SGK1: variants seen among roughly 807,000 people sequenced by gnomAD.
SGK1 encodes serine/threonine-protein kinase Sgk1.
Under a neutral mutation model 64.2 loss-of-function variants are expected in SGK1, and 26 were observed. The ratio of observed to expected loss-of-function variants is 0.40; its 90% CI spans 0.30 to 0.56. The LOEUF (loss-of-function observed/expected upper bound fraction) is 0.56. Among genes scored for constraint, SGK1 ranks in the 20% least tolerant of loss-of-function variants. The pLI, the probability that SGK1 is intolerant of heterozygous loss-of-function variation, is 0.38. For synonymous variants in SGK1, 265 were observed against 239.7 expected (o/e 1.11, Z -0.98); for missense variants, 519 against 645.6 (o/e 0.80, Z 2.12).
chr6:134,213,176 C>G (rs974189802), intron 2 of SGK1, among the ~76,000 whole-genome samples: 2 of 152,106 alleles, frequency 1.3e-5, no homozygotes, highest in African/African-American at 2.4e-5. Flanking sequence ...AGGCAATGCT[C>G]TATAACTCCT....
At chr6:134,230,825 C>T (rs1225277859) in intron 2 of SGK1, among the ~76,000 whole-genome samples, 1 of 152,106 alleles carries the variant, frequency 6.6e-6, no homozygotes, top group Non-Finnish European at 1.5e-5. Context: ...ACCAGCCTGG[C>T]CAACATGGTG....
intron 2 of SGK1, among the ~76,000 whole-genome samples, chr6:134,228,123 T>G (rs537018437): frequency 6.6e-6 from 1 of 151,894 alleles, no homozygotes; most frequent in African/African-American, 2.4e-5. Flanking sequence ...GCCCAGCTAA[T>G]TTTTGTATTT....
chr6:134,207,913 A>G (rs920567549), intron 2 of SGK1, among the ~76,000 whole-genome samples: 1 of 150,466 alleles, frequency 6.6e-6, no homozygotes, highest in Non-Finnish European at 1.5e-5. Context: ...AGCACTTTAA[A>G]TGCTTTTTTT....
At chr6:134,179,674 A>C (rs1384441583) in intron 3 of SGK1, among the ~76,000 whole-genome samples, 1 of 152,120 alleles carries the variant, frequency 6.6e-6, no homozygotes. Context: ...AAAAGATGTG[A>C]TACAGTAGAT....
At chr6:134,283,048 T>A (rs1250931686) in intron 1 of SGK1, 7 of 151,950 alleles carry the variant, frequency 4.6e-5, no homozygotes, top group Non-Finnish European at 1.0e-4. Context: ...GGGCTTCCCA[T>A]GTACCAAAAC....
intron 2 of SGK1, among the ~76,000 whole-genome samples, chr6:134,244,927 C>T (rs960805529): frequency 1.3e-5 from 2 of 152,216 alleles, no homozygotes; most frequent in Non-Finnish European, 2.9e-5. Flanking sequence ...AGGCACCCAC[C>T]ACCATGCCCA....
chr6:134,240,399 A>G lies in SGK1; in HGVS notation c.285+21534T>C, dbSNP rs1044596729. ...AATAAATAACCATGTCAGTAGATTTATGGAGGAATGGAGCTAGAGATGTAT... is the reference window on the plus strand; with the variant it reads ...AATAAATAACCATGTCAGTAGATTTGTGGAGGAATGGAGCTAGAGATGTAT... On this transcript the variant is annotated intron_variant, in intron 2 of 13. Coordinates refer to ENST00000367858, the MANE Select transcript of SGK1 (RefSeq NM_001143676.3). Among the ~76,000 whole-genome samples, 12 of 152,068 alleles carry G rather than the reference A, an allele frequency of 7.9e-5. 2 individuals carry two copies. Among genetic ancestry groups the G allele is most frequent in the Admixed American group, 7.9e-4 (12 of 15,272 alleles).
intron 1 of SGK1, among the ~76,000 whole-genome samples, chr6:134,265,607 TTTATATATATACATATATATA>T (rs1487922662): frequency 1.4e-5 from 2 of 140,726 alleles, no homozygotes; most frequent in African/African-American, 5.4e-5. Context: ...ACATATATAT[TTTATATATATACATATATATA>T]TATACATATA....
At chr6:134,175,774 A>G in intron 3 of SGK1, 3 of 1,333,890 alleles carry the variant, frequency 2.2e-6, no homozygotes, top group South Asian at 1.8e-5. Flanking sequence ...CCGAGTCCCA[A>G]AACAAACAAA....
rs1321279541 is a variant in SGK1 at position 134,277,181 on chromosome 6, G to A, written c.70-15033C>T. 2.0e-5 allele frequency among the ~76,000 whole-genome samples: 3 copies of A among 152,234 alleles called. No individual in the cohort carries two copies. In the East Asian group the frequency reaches 5.8e-4, roughly 29 times the overall value. On this transcript the variant is annotated intron_variant, in intron 1 of 13. Coordinates refer to ENST00000367858, the MANE Select transcript of SGK1 (RefSeq NM_001143676.3). ...CTACTAAAACTACAAAAATTAGCTG[G>A]TGTGGTAGTGGGTGCCTTTAATCCC...
intron 1 of SGK1, among the ~76,000 whole-genome samples, chr6:134,285,532 A>G (rs1413752518): frequency 2.9e-5 from 4 of 139,516 alleles, no homozygotes; most frequent in East Asian, 2.1e-4. Context: ...ACCAGCATCA[A>G]TTTTTTTTTT....
intron 2 of SGK1, among the ~76,000 whole-genome samples, chr6:134,241,157 C>T (rs749642536): frequency 9.4e-5 from 14 of 148,472 alleles, no homozygotes; most frequent in Admixed American, 2.1e-4. Context: ...TCAAGCAATT[C>T]GACCACCTAA....
chr6:134,293,249 T>G lies in SGK1; in HGVS notation c.69+24143A>C, dbSNP rs1327136061. Among the ~76,000 whole-genome samples, 5 of 152,212 alleles carry G rather than the reference T, an allele frequency of 3.3e-5. No homozygotes were observed. In the South Asian group the frequency reaches 8.3e-4, roughly 25 times the overall value. On this transcript the variant is annotated intron_variant, in intron 1 of 13. Transcript: ENST00000367858. ...AAAAAATGTCTTAAATAGTTACAAC[T>G]TACCAAGATAACATTGCAAAGGAGT...
intron 5 of SGK1, 33 bp from the exon 6 acceptor site, chr6:134,173,599 C>T (rs1256476620): frequency 7.0e-7 from 1 of 1,420,756 alleles, no homozygotes. Context: ...TCTTTTAATA[C>T]CATTGCTTCA....
intron 2 of SGK1, among the ~76,000 whole-genome samples, chr6:134,248,858 C>T (rs1353908283): frequency 6.6e-6 from 1 of 152,052 alleles, no homozygotes; most frequent in Non-Finnish European, 1.5e-5. Flanking sequence ...AAAGTGCTTC[C>T]TCTCCCTTTC....
chr6:134,215,209 G>C (rs922569220), intron 2 of SGK1: 35 of 398,780 alleles, frequency 8.8e-5, no homozygotes, highest in African/African-American at 6.7e-4. Context: ...TCCGCCTCCT[G>C]GGTTCAAGCA....
chr6:134,258,418 A>G (rs1217370951), intron 2 of SGK1, among the ~76,000 whole-genome samples: 1 of 152,164 alleles, frequency 6.6e-6, no homozygotes, highest in African/African-American at 2.4e-5. Flanking sequence ...ATAATAAAAA[A>G]AACCCACCTG....
At chr6:134,215,407 C>T (rs976821671) in intron 2 of SGK1, among the ~76,000 whole-genome samples, 7 of 151,374 alleles carry the variant, frequency 4.6e-5, no homozygotes, top group Non-Finnish European at 1.0e-4. Context: ...TGAGCCACGG[C>T]GCCTGGCCGA....
At chr6:134,306,513 A>G (rs1346145630) in intron 1 of SGK1, among the ~76,000 whole-genome samples, 1 of 151,930 alleles carries the variant, frequency 6.6e-6, no homozygotes, top group Non-Finnish European at 1.5e-5. Context: ...TGGGGAGTGA[A>G]GGAAGCTTGT....
Sources: allele counts gnomAD v4.1 joint callset (sites outside exome capture counted in the v4.1 genomes callset), GRCh38; gene constraint gnomAD v4.1.1; transcripts MANE v1.5; gene names NCBI Gene and HGNC (gene_info 2026-07-23, HGNC 2026-07-21).